The following ERC2 variants were observed in gnomAD, a reference collection of about 807,000 sequenced individuals.
The protein encoded by ERC2 is ELKS/RAB6-interacting/CAST family member 2, also known as ERC protein 2.
In ERC2, 42 loss-of-function variants were observed where a neutral mutation model predicts 114.8. The observed-to-expected ratio is 0.37, with a 90% CI of 0.29 to 0.47. The LOEUF (loss-of-function observed/expected upper bound fraction) is 0.47. Among genes scored for constraint, ERC2 ranks in the 20% least tolerant of loss-of-function variants. The pLI, the probability that ERC2 is intolerant of heterozygous loss-of-function variation, is 0.99. For missense variants in ERC2, 939 were observed against 1,150.7 expected (o/e 0.82, Z 2.66); for synonymous variants, 454 against 425.5 (o/e 1.07, Z -0.82).
rs1040890214 is a variant in ERC2 at position 55,893,543 on chromosome 3, A to G, written c.2404-4994T>C. ...AAAAGCCAACTCTTGACCCGTGTAC[A>G]CCTGCCTAAACCAAACTCCTATCAC... On this transcript the variant is annotated intron_variant, in intron 13 of 17. Coordinates refer to ENST00000288221, the MANE Select transcript of ERC2 (RefSeq NM_015576.3). 3.9e-5 allele frequency among the ~76,000 whole-genome samples: 6 copies of G among 152,098 alleles called. No homozygotes were observed. The South Asian group carries it at 1.2e-3, about 32-fold the overall frequency.
chr3:56,414,348 A>G (rs930549080), intron 2 of ERC2, among the ~76,000 whole-genome samples: 6 of 152,118 alleles, frequency 3.9e-5, no homozygotes, highest in African/African-American at 1.2e-4. Context: ...CCTTCCCTAG[A>G]TATCCAAAAC....
chr3:55,686,465 C>T (rs1244229448), intron 16 of ERC2, among the ~76,000 whole-genome samples: 1 of 152,068 alleles, frequency 6.6e-6, no homozygotes, highest in Non-Finnish European at 1.5e-5. Context: ...AGTGAGTGTC[C>T]GTTTGGGGAA....
At chr3:56,091,179 G>T (rs1481789972) in intron 6 of ERC2, among the ~76,000 whole-genome samples, 1 of 152,138 alleles carries the variant, frequency 6.6e-6, no homozygotes, top group Non-Finnish European at 1.5e-5. Context: ...CCAGAAGGGA[G>T]AAAGTGGCTG....
At chr3:55,589,240 A>G (rs200200409) in intron 17 of ERC2, among the ~76,000 whole-genome samples, 1,540 of 143,588 alleles carry the variant, frequency 0.011, 31 homozygotes, top group African/African-American at 0.039. Flanking sequence ...AAAAAGAGAG[A>G]GAGAGAAGGA....
intron 17 of ERC2, among the ~76,000 whole-genome samples, chr3:55,568,297 A>C (rs2056498807): frequency 6.6e-6 from 1 of 152,182 alleles, no homozygotes; most frequent in African/African-American, 2.4e-5. Context: ...CCCTGGTTCA[A>C]CTTGGCCGGG....
At chr3:55,958,358 T>A in intron 12 of ERC2, among the ~76,000 whole-genome samples, 2 of 152,224 alleles carry the variant, frequency 1.3e-5, no homozygotes, top group Middle Eastern at 3.4e-3. Context: ...AGGGAGAAAG[T>A]GCATGCTGAT....
intron 2 of ERC2, among the ~76,000 whole-genome samples, chr3:56,421,891 T>C (rs985617056): frequency 6.6e-6 from 1 of 152,072 alleles, no homozygotes; most frequent in African/African-American, 2.4e-5. Context: ...TATTCTCCCT[T>C]AAATGAGGGA....
intron 10 of ERC2, among the ~76,000 whole-genome samples, chr3:56,006,737 C>T (rs926886743): frequency 1.3e-5 from 2 of 151,964 alleles, no homozygotes; most frequent in South Asian, 4.2e-4. Context: ...TGGTGAACTT[C>T]TAGAAAGTTA....
chr3:55,796,085 G>C (rs1293695500), intron 14 of ERC2, among the ~76,000 whole-genome samples: 3 of 152,362 alleles, frequency 2.0e-5, no homozygotes, highest in African/African-American at 7.2e-5. Context: ...GTTGAGGGGG[G>C]AGGGTAGAAA....
chr3:56,407,967 T>A (rs557207365), intron 2 of ERC2, among the ~76,000 whole-genome samples: 3 of 152,312 alleles, frequency 2.0e-5, no homozygotes, highest in Admixed American at 6.5e-5. Context: ...GGAAGCCTTC[T>A]CAACCAGTGT....
rs772101886 is a variant in ERC2, at chr3:56,445,668, C to T, written c.-140-10521G>A. Among the ~76,000 whole-genome samples, 9 of 152,294 alleles carry T rather than the reference C, an allele frequency of 5.9e-5. 1 individual carries two copies. In the South Asian group the frequency reaches 6.2e-4, roughly 11 times the overall value. ...GGATCTGAGTACAGCCAACAGCCCC[C>T]GCCTCCCCTCTTGCCACTCTCTCCT... On this transcript the variant is annotated intron_variant, in intron 1 of 17. Transcript: ENST00000288221.
intron 2 of ERC2, among the ~76,000 whole-genome samples, chr3:56,363,526 A>G (rs1353251928): frequency 6.6e-6 from 1 of 152,194 alleles, no homozygotes. Context: ...AGAAGCAAAT[A>G]GGGCAGTGAC....
At chr3:56,308,845 A>T (rs2056380655) in intron 2 of ERC2, among the ~76,000 whole-genome samples, 1 of 152,068 alleles carries the variant, frequency 6.6e-6, no homozygotes, top group African/African-American at 2.4e-5. Context: ...ACTTACCATA[A>T]CTCTTTCAAA....
chr3:56,060,030 T>A (rs967746744), intron 7 of ERC2, among the ~76,000 whole-genome samples: 4 of 152,240 alleles, frequency 2.6e-5, no homozygotes, highest in African/African-American at 9.6e-5. Context: ...GTTCCTCAGC[T>A]GACTAATGAG....
intron 16 of ERC2, among the ~76,000 whole-genome samples, chr3:55,697,779 G>A (rs1237353195): frequency 6.6e-6 from 1 of 151,918 alleles, no homozygotes; most frequent in African/African-American, 2.4e-5. Context: ...GTTTGAGTGG[G>A]GGAACTCAGG....
chr3:55,867,449 C>T lies in ERC2; in HGVS notation c.2564+20940G>A, dbSNP rs80149840. On this transcript the variant is annotated intron_variant, in intron 14 of 17. Transcript: ENST00000288221. ...GTTCTAGTCATCCGTAGTGACCATACATACACAATGCCATCTGTATTCAGT... is the reference window on the plus strand; with the variant it reads ...GTTCTAGTCATCCGTAGTGACCATATATACACAATGCCATCTGTATTCAGT... Among the ~76,000 whole-genome samples the T allele has an allele frequency of 5.5e-3, 843 of 152,252 alleles. 6 individuals are homozygous for T. The highest frequency in any genetic ancestry group is 0.016 in the South Asian group (75 of 4,824).
At position 55,511,108 on chromosome 3, in the gene ERC2, G is replaced by A. The variant is rs758283074; in HGVS notation, c.*208C>T. On this transcript the variant is annotated 3_prime_UTR_variant, in exon 18 of 18. Transcript: ENST00000288221. ...TGAGAAATGACATGAGGTGGTGAAGGAAATATCAAGTAGAACAGAATCACG... is the reference window on the plus strand; with the variant it reads ...TGAGAAATGACATGAGGTGGTGAAGAAAATATCAAGTAGAACAGAATCACG... 3 of 152,564 alleles carry A rather than the reference G, an allele frequency of 2.0e-5. No individual in the cohort carries two copies. Among genetic ancestry groups the A allele is most frequent in the Admixed American group, 6.5e-5 (1 of 15,278 alleles). 9.5% of individuals were successfully genotyped at this position (152,564 alleles called of 1,614,324 possible). A position where few individuals can be genotyped will look rare whatever the true frequency, so the allele number is the denominator to read the frequency against.
intron 2 of ERC2, among the ~76,000 whole-genome samples, chr3:56,299,229 G>GTGAT: frequency 1.3e-5 from 2 of 149,780 alleles, no homozygotes; most frequent in African/African-American, 5.0e-5. Context: ...CCGGGTTCAC[G>GTGAT]CCTTTCTGCT....
chr3:56,019,059 C>T, intron 7 of ERC2, 28 bp from the exon 8 acceptor site: 1 of 1,558,230 alleles, frequency 6.4e-7, no homozygotes, highest in African/African-American at 1.4e-5. Context: ...TATTTTAATG[C>T]ATATTTGATT....
Sources: gnomAD v4.1 joint callset for allele counts (sites outside exome capture counted in the v4.1 genomes callset) on GRCh38, gnomAD v4.1.1 for gene constraint, MANE v1.5 for transcripts, NCBI Gene and HGNC (gene_info 2026-07-23, HGNC 2026-07-21) for gene names.